Variants in COL28A1 observed in about 807,000 individuals in gnomAD.
The protein encoded by COL28A1 is collagen alpha-1(XXVIII) chain.
COL28A1 carries 161 observed loss-of-function variants against 150.2 expected under a neutral mutation model. That is an observed-to-expected ratio of 1.07 (90% CI 0.94 to 1.22). The LOEUF is 1.22. Among genes scored for constraint, COL28A1 ranks in the 50% most tolerant of loss-of-function variants. COL28A1 has a pLI of 0.00. For synonymous variants in COL28A1, 552 were observed against 469.7 expected, an observed-to-expected ratio of 1.18 and a Z score of -2.26; for missense variants, 1,617 against 1,388.3, an observed-to-expected ratio of 1.16 and a Z score of -2.62.
intron 15 of COL28A1, among the ~76,000 whole-genome samples, chr7:7,460,628 C>T (rs919338183): frequency 7.9e-5 from 12 of 152,156 alleles, no homozygotes; most frequent in Admixed American, 2.0e-4. Context: ...GTGATCCGCC[C>T]GCCTCAGCCT....
At chr7:7,510,318 T>A (rs1336758392) in intron 9 of COL28A1, among the ~76,000 whole-genome samples, 2 of 152,204 alleles carry the variant, frequency 1.3e-5, no homozygotes, top group Non-Finnish European at 2.9e-5. Context: ...ACGGAGTCAC[T>A]CTGTCACCCA....
intron 25 of COL28A1, among the ~76,000 whole-genome samples, chr7:7,423,888 G>C (rs1209252834): frequency 6.6e-6 from 1 of 152,148 alleles, no homozygotes; most frequent in African/African-American, 2.4e-5. Context: ...GCCAACTGCA[G>C]TAGGACAGCT....
At chr7:7,444,247 G>A (rs1786065416) in intron 19 of COL28A1, among the ~76,000 whole-genome samples, 171 bp downstream of exon 19, 1 of 152,004 alleles carries the variant, frequency 6.6e-6, no homozygotes. Context: ...CCTTTGAATA[G>A]GCCACTCCTT....
chr7:7,507,759 C>G (rs1281276251), intron 9 of COL28A1, among the ~76,000 whole-genome samples: 1 of 152,016 alleles, frequency 6.6e-6, no homozygotes, highest in Non-Finnish European at 1.5e-5. Context: ...AATTGACACA[C>G]TTTGACAATT....
At chr7:7,462,979 C>A (rs1787759160) in intron 15 of COL28A1, among the ~76,000 whole-genome samples, 1 of 151,372 alleles carries the variant, frequency 6.6e-6, no homozygotes. Context: ...TTTAATTAAT[C>A]CAAACAAAAA....
intron 14 of COL28A1, among the ~76,000 whole-genome samples, chr7:7,476,779 T>C (rs1260522257): frequency 6.6e-6 from 1 of 152,220 alleles, no homozygotes; most frequent in African/African-American, 2.4e-5. Context: ...GAGCAAAGAA[T>C]TGCCATAGCT....
intron 27 of COL28A1, among the ~76,000 whole-genome samples, chr7:7,400,224 A>T (rs1783095775): frequency 6.6e-6 from 1 of 152,108 alleles, no homozygotes; most frequent in South Asian, 2.1e-4. Context: ...CCATGGAAAA[A>T]GTTAAGGATT....
Position 7,517,816 on chromosome 7 carries a change from C to T in COL28A1, c.835G>A (p.Ala279Thr), listed in dbSNP as rs1781499796. 1 of 1,613,788 alleles carries T rather than the reference C, an allele frequency of 6.2e-7. No individual in the cohort carries two copies. Among genetic ancestry groups the T allele is most frequent in the African/African-American group, 1.3e-5 (1 of 75,014 alleles). Residue 279 changes from alanine (A) to threonine (T), a missense_variant, in exon 7 of 35, where the codon GCT becomes ACT. Ala to Thr is a moderately conservative substitution (Grantham distance 58). Transcript: ENST00000399429. ...CATACCCCTGGACCTCTTTCTCCAGCTTCTCCTTTTTGAGCGTTGCCCTGT... is the reference window on the plus strand; with the variant it reads ...CATACCCCTGGACCTCTTTCTCCAGTTTCTCCTTTTTGAGCGTTGCCCTGT... ...GNPGNAQKGE[A>T]GERGPGGIPG...
intron 13 of COL28A1, among the ~76,000 whole-genome samples, chr7:7,483,149 G>T (rs1340512681): frequency 2.0e-5 from 3 of 152,140 alleles, no homozygotes; most frequent in Non-Finnish European, 4.4e-5. Context: ...ACCTCCTTAT[G>T]ACTTACAATG....
chr7:7,456,203 C>G (rs1308178564), intron 15 of COL28A1, 91 bp from the exon 16 acceptor site: 15 of 1,479,882 alleles, frequency 1.0e-5, no homozygotes, highest in Non-Finnish European at 1.3e-5. Context: ...GTGTTAAAAT[C>G]TATCTTTATA....
intron 13 of COL28A1, among the ~76,000 whole-genome samples, chr7:7,481,244 C>A (rs1789361830): frequency 6.6e-6 from 1 of 152,210 alleles, no homozygotes; most frequent in Admixed American, 6.5e-5. Flanking sequence ...GCCAAGTATT[C>A]AAAGCTGCTG....
At chr7:7,519,560 T>C (rs1212775412) in intron 6 of COL28A1, among the ~76,000 whole-genome samples, 1 of 152,246 alleles carries the variant, frequency 6.6e-6, no homozygotes, top group African/African-American at 2.4e-5. Context: ...AACAGATGAA[T>C]GTTTTCTTTA....
chr7:7,396,285 T>A (rs1782830803), intron 27 of COL28A1, among the ~76,000 whole-genome samples: 1 of 152,184 alleles, frequency 6.6e-6, no homozygotes, highest in Admixed American at 6.5e-5. Flanking sequence ...TGCAAAGAAT[T>A]GAGCTCATAT....
chr7:7,383,997 C>T (rs532690268), intron 27 of COL28A1, among the ~76,000 whole-genome samples: 15 of 152,110 alleles, frequency 9.9e-5, no homozygotes, highest in Non-Finnish European at 1.8e-4. Flanking sequence ...ACACACCCAT[C>T]CCTAACCTCT....
At chr7:7,394,807 C>T (rs1044384476) in intron 27 of COL28A1, among the ~76,000 whole-genome samples, 3 of 152,208 alleles carry the variant, frequency 2.0e-5, no homozygotes, top group Admixed American at 1.3e-4. Flanking sequence ...CCCAAGGTTC[C>T]TTTGTCATCT....
intron 27 of COL28A1, among the ~76,000 whole-genome samples, chr7:7,400,277 A>G (rs979623938): frequency 1.3e-5 from 2 of 152,178 alleles, no homozygotes; most frequent in African/African-American, 2.4e-5. Context: ...TGAGCCCTAA[A>G]TGTAACCACA....
intron 34 of COL28A1, 41 bp from the exon 35 acceptor site, chr7:7,358,846 T>A: frequency 6.6e-7 from 1 of 1,507,332 alleles, no homozygotes; most frequent in Non-Finnish European, 9.0e-7. Context: ...ATTTTTCTTA[T>A]ACTGAAGACA....
chr7:7,338,991 A>G, the COL28A1 span, among the ~76,000 whole-genome samples: 307 of 152,272 alleles, frequency 2.0e-3, 1 homozygote, highest in Admixed American at 5.8e-3. Context: ...AAGCCAATAA[A>G]AAAATCAACT....
chr7:7,488,829 T>A (rs1347406745), intron 13 of COL28A1, among the ~76,000 whole-genome samples: 1 of 152,198 alleles, frequency 6.6e-6, no homozygotes, highest in African/African-American at 2.4e-5. Flanking sequence ...TTTTAACACA[T>A]GAGAACTCTT....
Sources: allele counts gnomAD v4.1 joint callset (sites outside exome capture counted in the v4.1 genomes callset), GRCh38; gene constraint gnomAD v4.1.1; transcripts MANE v1.5; gene names NCBI Gene and HGNC (gene_info 2026-07-23, HGNC 2026-07-21).